SORL1: variants seen among roughly 807,000 people sequenced by gnomAD.
SORL1 encodes sortilin related receptor 1.
SORL1 carries 127 observed loss-of-function variants against 273.7 expected under a neutral mutation model. The observed-to-expected ratio is 0.46, with a 90% confidence interval of 0.40 to 0.54. SORL1 has a LOEUF of 0.54. Among genes scored for constraint, SORL1 ranks in the 20% least tolerant of loss-of-function variants. The pLI is 0.00. For synonymous variants in SORL1, 1,031 were observed against 1,067.4 expected (o/e 0.97, Z 0.66); for missense variants, 2,494 against 2,846.1 (o/e 0.88, Z 2.81).
intron 3 of SORL1, among the ~76,000 whole-genome samples, chr11:121,481,209 C>T (rs1591556742): frequency 1.6e-4 from 16 of 103,142 alleles, no homozygotes; most frequent in Non-Finnish European, 1.2e-4. Context: ...CCCAGCTCCT[C>T]TCCTAGTGCA....
At chr11:121,527,220 A>T (rs889090729) in intron 11 of SORL1, among the ~76,000 whole-genome samples, 1 of 151,258 alleles carries the variant, frequency 6.6e-6, no homozygotes, top group African/African-American at 2.4e-5. Context: ...TCATAATCAG[A>T]TACTGGATTT....
intron 11 of SORL1, among the ~76,000 whole-genome samples, chr11:121,527,563 G>C (rs1459207397): frequency 6.6e-6 from 1 of 151,994 alleles, no homozygotes; most frequent in African/African-American, 2.4e-5. Context: ...AAAGTTTGGT[G>C]TTATTTTTTC....
chr11:121,485,051 G>A (rs954883328), intron 3 of SORL1, among the ~76,000 whole-genome samples: 3 of 152,130 alleles, frequency 2.0e-5, no homozygotes, highest in Admixed American at 6.5e-5. Context: ...CACCCCGCCC[G>A]GCCCCATGCT....
Position 121,595,650 on chromosome 11 carries a change from C to T in SORL1, c.4397C>T (p.Thr1466Ile), listed in dbSNP as rs1863283018. Reference sequence around the variant, plus strand: ...AACGTCACTGCTGCCTCCACTCCCACCCAACTTGGGCGATGTGACCGATTT... The same window carrying T: ...AACGTCACTGCTGCCTCCACTCCCATCCAACTTGGGCGATGTGACCGATTT... ...LANVTAASTPTQLGRCDRFEF... is the reference protein window; with the variant it reads ...LANVTAASTPIQLGRCDRFEF... Residue 1466 changes from threonine to isoleucine, a missense_variant, in exon 32 of 48, where the codon ACC becomes ATC. This residue lies in a region of SORL1 where 1,609 missense variants were observed against 1,816.4 expected (regional missense o/e 0.89). Coordinates refer to ENST00000260197, the MANE Select transcript of SORL1 (RefSeq NM_003105.6). This position sits in a 1 kb window ranked among gnomAD's most constrained non-coding sequence, Gnocchi z 5.1. 1 of 1,610,606 alleles carries T rather than the reference C, an allele frequency of 6.2e-7. No individual in the cohort carries two copies. The highest frequency in any genetic ancestry group is 1.1e-5 in the South Asian group (1 of 90,506).
At chr11:121,463,534 G>A (rs534408133) in intron 1 of SORL1, among the ~76,000 whole-genome samples, 1 of 152,322 alleles carries the variant, frequency 6.6e-6, no homozygotes, top group East Asian at 1.9e-4. Flanking sequence ...AAAGAGAAAG[G>A]AAAGGGCATA....
chr11:121,511,934 C>A (rs967871441), intron 6 of SORL1, among the ~76,000 whole-genome samples: 15 of 152,186 alleles, frequency 9.9e-5, no homozygotes, highest in Non-Finnish European at 1.9e-4. Context: ...CTGGGAATCC[C>A]AACATCTCAA....
chr11:121,571,276 A>G (rs1310107104), intron 23 of SORL1, among the ~76,000 whole-genome samples: 1 of 152,214 alleles, frequency 6.6e-6, no homozygotes, highest in Non-Finnish European at 1.5e-5. Flanking sequence ...CAGGCAAGGG[A>G]GCAGCATGTG....
chr11:121,571,137 C>A (rs773503095), intron 23 of SORL1, among the ~76,000 whole-genome samples: 1 of 152,194 alleles, frequency 6.6e-6, no homozygotes, highest in Non-Finnish European at 1.5e-5. Context: ...AGTAGAGTGA[C>A]GGGCACTGCG....
chr11:121,474,105 G>C (rs1167177032), intron 2 of SORL1, among the ~76,000 whole-genome samples: 2 of 152,194 alleles, frequency 1.3e-5, no homozygotes, highest in African/African-American at 2.4e-5. Flanking sequence ...AATCCCGGAT[G>C]TGCCATTCAT....
At chr11:121,569,263 A>T (rs1862800777) in intron 22 of SORL1, among the ~76,000 whole-genome samples, 1 of 152,194 alleles carries the variant, frequency 6.6e-6, no homozygotes, top group Admixed American at 6.5e-5. Context: ...AACTGCACAA[A>T]TTGTAGAGCA....
chr11:121,501,275 G>A (rs570168771), intron 6 of SORL1, among the ~76,000 whole-genome samples: 1 of 152,216 alleles, frequency 6.6e-6, no homozygotes, highest in South Asian at 2.1e-4. Context: ...GCAATTTAGT[G>A]GTTTTTAGTT....
At chr11:121,622,070 C>A in intron 44 of SORL1, 92 bp from the exon 45 acceptor site, 1 of 752,656 alleles carries the variant, frequency 1.3e-6, no homozygotes, top group Non-Finnish European at 2.2e-6. Flanking sequence ...CCCTCCAAGG[C>A]TAGCATTATT....
intron 6 of SORL1, among the ~76,000 whole-genome samples, chr11:121,508,821 GA>G (rs1861826688): frequency 6.6e-6 from 1 of 152,150 alleles, no homozygotes; most frequent in African/African-American, 2.4e-5. Flanking sequence ...GCAGAATTCT[GA>G]AAAAGTTGAT....
chr11:121,554,993 A>T lies in SORL1; in HGVS notation c.2440-194A>T, dbSNP rs549256069. The T allele has an allele frequency of 1.8e-4, 85 of 478,648 alleles. 1 individual carries two copies. The highest frequency in any genetic ancestry group is 1.7e-3 in the African/African-American group (84 of 50,618). The allele number at this position is 478,648 out of a possible 1,614,324, so 29.7% of individuals were successfully genotyped here. On this transcript the variant is annotated intron_variant, in intron 17 of 47. Coordinates refer to ENST00000260197, the MANE Select transcript of SORL1 (RefSeq NM_003105.6). This position sits in a 1 kb window ranked among gnomAD's most constrained non-coding sequence, Gnocchi z 4.6. ...AAATTCTCTTTATTCTGCTTTAAAA[A>T]ACAAAAATGTAGTATATTTTAGAAA...
intron 38 of SORL1, 146 bp from the exon 39 acceptor site, chr11:121,610,930 A>C: frequency 1.7e-6 from 1 of 596,620 alleles, no homozygotes; most frequent in South Asian, 2.0e-5. Context: ...GTGGTAAAAA[A>C]AGATCGATGA....
chr11:121,560,467 G>T (rs1862654384), intron 21 of SORL1, among the ~76,000 whole-genome samples: 2 of 152,302 alleles, frequency 1.3e-5, no homozygotes, highest in Admixed American at 1.3e-4. Context: ...TTCTAGAGGA[G>T]AAAGATCAGA....
chr11:121,622,639 T>G (rs139949889), intron 45 of SORL1, among the ~76,000 whole-genome samples: 5 of 152,302 alleles, frequency 3.3e-5, no homozygotes, highest in African/African-American at 1.2e-4. Flanking sequence ...GGACTGTGGC[T>G]TCAGTACCAG....
At chr11:121,629,107 A>T (rs1227730302) in intron 47 of SORL1, 1 of 185,288 alleles carries the variant, frequency 5.4e-6, no homozygotes. Context: ...TCCTCAGAGC[A>T]CTTTGGGTTC....
At chr11:121,524,906 T>G (rs945221493) in intron 11 of SORL1, among the ~76,000 whole-genome samples, 3 of 151,910 alleles carry the variant, frequency 2.0e-5, no homozygotes. Flanking sequence ...AGAATTCCGT[T>G]TTTGTGCTTT....
Sources: gnomAD v4.1 joint callset for allele counts (sites outside exome capture counted in the v4.1 genomes callset) on GRCh38, gnomAD v4.1.1 for gene constraint, gnomAD v4.1.1 regional missense constraint, Gnocchi (gnomAD v3.1) non-coding constraint, MANE v1.5 for transcripts, NCBI Gene and HGNC (gene_info 2026-07-23, HGNC 2026-07-21) for gene names.